AMZ1: variants seen among roughly 807,000 people sequenced by gnomAD.
AMZ1 encodes the protein archaemetzincin-1.
In AMZ1, 39 loss-of-function variants were observed where a neutral mutation model predicts 29.9. The ratio of observed to expected loss-of-function variants is 1.30; its 90% CI spans 1.01 to 1.70. The LOEUF (loss-of-function observed/expected upper bound fraction) is 1.70. Ranked by LOEUF, AMZ1 falls within the 40% of genes most tolerant of loss-of-function variation. The pLI is 0.00. For synonymous variants in AMZ1, 458 were observed against 304.0 expected (o/e 1.51, Z -5.27); for missense variants, 1,041 against 680.6 (o/e 1.53, Z -5.89).
At chr7:2,759,786 T>C (rs1444845021), upstream of AMZ1, among the ~76,000 whole-genome samples, 1 of 152,208 alleles carries the variant, frequency 6.6e-6, no homozygotes, top group African/African-American at 2.4e-5. Flanking sequence ...TGAAAAAAAC[T>C]GTCCTTAGGG....
chr7:2,740,782 T>C (rs533512573), intron 4 of AMZ1, among the ~76,000 whole-genome samples: 2 of 152,286 alleles, frequency 1.3e-5, no homozygotes, highest in African/African-American at 2.4e-5. Context: ...CGGTGACTCA[T>C]GCCTATAATC....
chr7:2,683,372 C>T (rs1786954442), upstream of AMZ1, among the ~76,000 whole-genome samples: 1 of 152,142 alleles, frequency 6.6e-6, no homozygotes, highest in Non-Finnish European at 1.5e-5. Context: ...GCACCACTCC[C>T]ATCTCCGTCT....
upstream of AMZ1, among the ~76,000 whole-genome samples, chr7:2,686,526 C>T (rs1787083798): frequency 1.3e-5 from 2 of 151,988 alleles, no homozygotes; most frequent in Non-Finnish European, 2.9e-5. Flanking sequence ...AGAGCAAGAT[C>T]CTGTCTCAAA....
chr7:2,729,928 G>A (rs1789802799), intron 4 of AMZ1: 1 of 152,346 alleles, frequency 6.6e-6, no homozygotes. Context: ...AACATTCACA[G>A]GCTCCCGCGG....
intron 4 of AMZ1, among the ~76,000 whole-genome samples, chr7:2,735,524 G>C (rs1180554629): frequency 6.6e-6 from 1 of 152,170 alleles, no homozygotes; most frequent in African/African-American, 2.4e-5. Flanking sequence ...ATCAGGACAA[G>C]CTCGATGGGA....
intron 1 of AMZ1, among the ~76,000 whole-genome samples, chr7:2,690,331 A>G (rs930982076): frequency 1.2e-4 from 19 of 152,236 alleles, no homozygotes; most frequent in African/African-American, 4.6e-4. Flanking sequence ...CAATCCTCCC[A>G]TCTCAGCCTC....
chr7:2,749,038 T>C (rs1433400781), intron 4 of AMZ1, among the ~76,000 whole-genome samples: 3 of 152,098 alleles, frequency 2.0e-5, no homozygotes, highest in South Asian at 2.1e-4. Flanking sequence ...TGTGGAGAAA[T>C]AGGAACACTT....
chr7:2,757,911 C>T (rs551421415), intron 4 of AMZ1, among the ~76,000 whole-genome samples: 99 of 152,288 alleles, frequency 6.5e-4, no homozygotes, highest in Non-Finnish European at 1.0e-3. Flanking sequence ...TCTCTGACTC[C>T]TGTTCGCTGT....
chr7:2,757,028 T>G (rs1216779551), intron 4 of AMZ1, among the ~76,000 whole-genome samples: 1 of 152,070 alleles, frequency 6.6e-6, no homozygotes, highest in African/African-American at 2.4e-5. Context: ...GAACCGTGAT[T>G]GTGCCAGTGG....
At chr7:2,758,460 C>G (rs1295240977) in intron 4 of AMZ1, among the ~76,000 whole-genome samples, 2 of 152,170 alleles carry the variant, frequency 1.3e-5, no homozygotes, top group Non-Finnish European at 2.9e-5. Context: ...TAAGACGAGC[C>G]TCAATGACAC....
intron 4 of AMZ1, among the ~76,000 whole-genome samples, chr7:2,750,557 G>A (rs943521328): frequency 2.0e-5 from 3 of 152,168 alleles, no homozygotes; most frequent in Non-Finnish European, 4.4e-5. Context: ...CAATAAAACA[G>A]AACAATTGTA....
At chr7:2,737,282 T>G (rs1370434289) in intron 4 of AMZ1, among the ~76,000 whole-genome samples, 2 of 60,612 alleles carry the variant, frequency 3.3e-5, no homozygotes, top group South Asian at 6.6e-4. Flanking sequence ...TTGTTTTTTT[T>G]TTTTTTGTTT....
intron 3 of AMZ1, among the ~76,000 whole-genome samples, chr7:2,703,895 C>CT (rs973129502): frequency 2.2e-4 from 34 of 151,904 alleles, no homozygotes; most frequent in Admixed American, 7.2e-4. Flanking sequence ...ATCCAAGGTA[C>CT]TTTTTTTTTC....
At chr7:2,761,075 G>A (rs1246388315), upstream of AMZ1, among the ~76,000 whole-genome samples, 3 of 152,214 alleles carry the variant, frequency 2.0e-5, no homozygotes, top group Non-Finnish European at 4.4e-5. Context: ...AACGTAGCAC[G>A]CATCTCATAG....
Position 2,714,864 on chromosome 7 carries a change from G to A in AMZ1, c.*1986G>A, listed in dbSNP as rs138297910. 11 of 152,448 alleles carry A rather than the reference G, an allele frequency of 7.2e-5. No homozygotes were observed. Among genetic ancestry groups the A allele is most frequent in the African/African-American group, 2.6e-4 (11 of 41,536 alleles). 9.4% of individuals were successfully genotyped at this position (152,448 alleles called of 1,614,324 possible). On this transcript the variant is annotated 3_prime_UTR_variant, in exon 7 of 7. Coordinates refer to ENST00000683327, the MANE Select transcript of AMZ1 (RefSeq NM_001384743.1). The stretch of plus-strand genomic sequence containing the variant: ...AAACCCGACAAACAGGGCAGCCAGA[G>A]CCAGACAGCAGGCTCCTGGTCCCAG...
rs919290781 is a variant in AMZ1 at position 2,715,440 on chromosome 7, T to G, written c.*2562T>G. On this transcript the variant is annotated 3_prime_UTR_variant, in exon 7 of 7. Coordinates refer to ENST00000683327, the MANE Select transcript of AMZ1 (RefSeq NM_001384743.1). Reference sequence around the variant, plus strand: ...TTAAACAGAGGTGATAAAAATAGAATGCCTGGCTCATGCTGAGGGTGGGAG... The same window carrying G: ...TTAAACAGAGGTGATAAAAATAGAAGGCCTGGCTCATGCTGAGGGTGGGAG... 1 of 152,326 alleles carries G rather than the reference T, an allele frequency of 6.6e-6. No homozygotes were observed. The highest frequency in any genetic ancestry group is 6.5e-5 in the Admixed American group (1 of 15,284). 9.4% of individuals were successfully genotyped at this position (152,326 alleles called of 1,614,324 possible). A position where few individuals can be genotyped will look rare whatever the true frequency, so the allele number is the denominator to read the frequency against.
intron 1 of AMZ1, among the ~76,000 whole-genome samples, chr7:2,697,331 G>A (rs575850528): frequency 6.6e-6 from 1 of 151,980 alleles, no homozygotes; most frequent in African/African-American, 2.4e-5. Context: ...TCCTGACCTC[G>A]GGTGATCCAG....
At chr7:2,684,955 C>T (rs184089035), upstream of AMZ1, among the ~76,000 whole-genome samples, 1,201 of 151,486 alleles carry the variant, frequency 7.9e-3, 24 homozygotes, top group African/African-American at 0.027. Context: ...CTGCAAGCTC[C>T]GCCTCCCAGG....
At chr7:2,732,555 AAAAAC>A (rs2115284557) in intron 4 of AMZ1, among the ~76,000 whole-genome samples, 1 of 152,262 alleles carries the variant, frequency 6.6e-6, no homozygotes, top group South Asian at 2.1e-4. Context: ...CAAAAAATCG[AAAAAC>A]AAAACAGAAC....
Sources: allele counts gnomAD v4.1 joint callset (sites outside exome capture counted in the v4.1 genomes callset), GRCh38; gene constraint gnomAD v4.1.1; transcripts MANE v1.5; gene names NCBI Gene and HGNC (gene_info 2026-07-23, HGNC 2026-07-21).